The following RORA variants were observed in gnomAD, a reference collection of about 807,000 sequenced individuals.
RORA encodes nuclear receptor ROR-alpha.
A neutral mutation model predicts 69.5 loss-of-function variants in RORA; 7 were observed. The ratio of observed to expected loss-of-function variants is 0.10; its 90% CI spans 0.06 to 0.19. RORA has a LOEUF of 0.19. Ranked by LOEUF, RORA falls within the 10% of genes least tolerant of loss-of-function variation. RORA has a pLI of 1.00. For synonymous variants in RORA, 261 were observed against 240.8 expected, an observed-to-expected ratio of 1.08 and a Z score of -0.78; for missense variants, 457 against 663.0, an observed-to-expected ratio of 0.69 and a Z score of 3.41.
chr15:61,149,776 G>A (rs1374578231), intron 1 of RORA, among the ~76,000 whole-genome samples: 2 of 152,220 alleles, frequency 1.3e-5, no homozygotes, highest in African/African-American at 2.4e-5. Context: ...CTTCAGGGCA[G>A]CTTTCAAAGC....
chr15:61,192,604 G>A (rs2079810946), intron 1 of RORA, among the ~76,000 whole-genome samples: 2 of 152,234 alleles, frequency 1.3e-5, no homozygotes, highest in Non-Finnish European at 1.5e-5. Context: ...ACACTGCCCT[G>A]AGACCCAAAG....
intron 1 of RORA, among the ~76,000 whole-genome samples, chr15:60,849,514 T>C (rs1214623169): frequency 6.6e-6 from 1 of 152,214 alleles, no homozygotes; most frequent in Non-Finnish European, 1.5e-5. Context: ...ATGATCCTCC[T>C]ACAGTCTCCA....
At chr15:60,655,662 A>T (rs1297732803) in intron 2 of RORA, among the ~76,000 whole-genome samples, 1 of 152,098 alleles carries the variant, frequency 6.6e-6, no homozygotes, top group Non-Finnish European at 1.5e-5. Flanking sequence ...GTCTCCTACT[A>T]CTTCTACCTT....
chr15:61,205,920 C>T (rs1026641412), intron 1 of RORA, among the ~76,000 whole-genome samples: 6 of 152,110 alleles, frequency 3.9e-5, no homozygotes, highest in African/African-American at 1.2e-4. Context: ...GAGGCACGAG[C>T]CATGGTCGAG....
In RORA at chr15:61,128,777, CA is replaced by C. The variant is rs1353040125; in HGVS notation, c.166+100275del. Among the ~76,000 whole-genome samples, 1 of 152,090 alleles carries C rather than the reference CA, an allele frequency of 6.6e-6. No individual in the cohort carries two copies. Among genetic ancestry groups the C allele is most frequent in the Admixed American group, 6.5e-5 (1 of 15,276 alleles). On this transcript the variant is annotated intron_variant, in intron 1 of 10. Transcript: ENST00000335670. This position sits in a 1 kb window ranked among gnomAD's most constrained non-coding sequence, Gnocchi z 4.5. Reference sequence around the variant, plus strand: ...AGGATCTAGTGTCTCAGAACACAACCAAATATTGGCAATGCATCCTGAGACA... The same window carrying C: ...AGGATCTAGTGTCTCAGAACACAACCAATATTGGCAATGCATCCTGAGACA...
intron 1 of RORA, among the ~76,000 whole-genome samples, chr15:61,177,604 CAAAG>C (rs1461813939): frequency 6.6e-6 from 1 of 151,534 alleles, no homozygotes; most frequent in African/African-American, 2.4e-5. Flanking sequence ...GGGTGGGAGT[CAAAG>C]AGAGGCATAA....
intron 1 of RORA, among the ~76,000 whole-genome samples, chr15:61,081,779 G>C (rs962277691): frequency 3.1e-4 from 46 of 147,394 alleles, no homozygotes; most frequent in African/African-American, 1.1e-3. Context: ...CCGCACTCCA[G>C]CCTAGGCAAC....
chr15:61,228,277 G>A (rs1177579930), intron 1 of RORA, among the ~76,000 whole-genome samples: 1 of 152,152 alleles, frequency 6.6e-6, no homozygotes, highest in Admixed American at 6.5e-5. Context: ...CCCTCTGCGC[G>A]TTGGCGCGCA....
At chr15:60,982,705 A>C (rs1020686004) in intron 1 of RORA, among the ~76,000 whole-genome samples, 1 of 152,160 alleles carries the variant, frequency 6.6e-6, no homozygotes, top group African/African-American at 2.4e-5. Flanking sequence ...AAGTTAAGAC[A>C]CCACAGTTTT....
intron 1 of RORA, among the ~76,000 whole-genome samples, chr15:61,109,143 C>A (rs968038097): frequency 6.6e-6 from 1 of 152,130 alleles, no homozygotes; most frequent in African/African-American, 2.4e-5. Flanking sequence ...TTGCAGTGAG[C>A]CTAGATCGCG....
At chr15:61,225,607 G>T (rs2140952176) in intron 1 of RORA, among the ~76,000 whole-genome samples, 1 of 152,192 alleles carries the variant, frequency 6.6e-6, no homozygotes. Flanking sequence ...TTTCCCTTAG[G>T]TCTGCCGGCC....
At chr15:61,203,635 TAAGAA>T (rs1451926368) in intron 1 of RORA, among the ~76,000 whole-genome samples, 2 of 152,058 alleles carry the variant, frequency 1.3e-5, no homozygotes, top group African/African-American at 4.8e-5. Context: ...AAAAAAAGAT[TAAGAA>T]AAGACAAAAG....
intron 1 of RORA, among the ~76,000 whole-genome samples, chr15:60,907,043 C>T (rs1891563280): frequency 6.6e-6 from 1 of 152,066 alleles, no homozygotes; most frequent in Admixed American, 6.6e-5. Context: ...GGGTTTGAAC[C>T]CGATTTTCTG....
chr15:61,027,646 T>C (rs997280740), intron 1 of RORA, among the ~76,000 whole-genome samples: 5 of 152,228 alleles, frequency 3.3e-5, no homozygotes, highest in African/African-American at 1.2e-4. Context: ...ATGCTTTTAC[T>C]CAGGCATCAT....
chr15:61,018,089 C>G (rs1391508993), intron 1 of RORA, among the ~76,000 whole-genome samples: 4 of 152,198 alleles, frequency 2.6e-5, no homozygotes. Context: ...AATAGATCCT[C>G]CAAAAGAATG....
chr15:60,578,422 T>C (rs180966992), intron 2 of RORA, among the ~76,000 whole-genome samples: 3 of 152,356 alleles, frequency 2.0e-5, no homozygotes, highest in Admixed American at 2.0e-4. Flanking sequence ...TTTGCCTGAA[T>C]GTATGGGCAG....
chr15:61,126,377 T>C (rs1347922740), intron 1 of RORA, among the ~76,000 whole-genome samples: 1 of 152,250 alleles, frequency 6.6e-6, no homozygotes, highest in East Asian at 1.9e-4. Flanking sequence ...TGAGAACATT[T>C]AAAATCTACT....
At chr15:61,077,999 A>G (rs1353715104) in intron 1 of RORA, among the ~76,000 whole-genome samples, 1 of 152,174 alleles carries the variant, frequency 6.6e-6, no homozygotes, top group African/African-American at 2.4e-5. Flanking sequence ...CTTGCTTGCA[A>G]AACAAACCTC....
intron 1 of RORA, among the ~76,000 whole-genome samples, chr15:61,017,929 A>G (rs756856564): frequency 7.2e-5 from 11 of 152,162 alleles, no homozygotes; most frequent in African/African-American, 1.2e-4. Flanking sequence ...GTTTACCTTT[A>G]TTTAAGGAGT....
Sources: gnomAD v4.1 joint callset for allele counts (sites outside exome capture counted in the v4.1 genomes callset) on GRCh38, gnomAD v4.1.1 for gene constraint, Gnocchi (gnomAD v3.1) non-coding constraint, MANE v1.5 for transcripts, NCBI Gene and HGNC (gene_info 2026-07-23, HGNC 2026-07-21) for gene names.